PNKP: variants seen among roughly 807,000 people sequenced by gnomAD.
PNKP encodes polynucleotide kinase 3'-phosphatase, also known as bifunctional polynucleotide phosphatase/kinase.
In PNKP, 82 loss-of-function variants were observed where a neutral mutation model predicts 66.2. The observed-to-expected ratio is 1.24, with a 90% confidence interval of 1.04 to 1.49. The LOEUF (loss-of-function observed/expected upper bound fraction) is 1.49, where lower values mean the gene tolerates loss of function less well. Among genes scored for constraint, PNKP ranks in the 40% most tolerant of loss-of-function variants. The pLI is 0.00. For synonymous variants in PNKP, 412 were observed against 298.9 expected, an observed-to-expected ratio of 1.38 and a Z score of -3.90; for missense variants, 907 against 706.8, an observed-to-expected ratio of 1.28 and a Z score of -3.21.
intron 5 of PNKP, 33 bp downstream of exon 5, chr19:49,864,291 C>T (rs2074802268): frequency 6.2e-7 from 1 of 1,611,480 alleles, no homozygotes; most frequent in Non-Finnish European, 8.5e-7. Context: ...GGACTCCAGG[C>T]CTCACTCACT....
rs373766090 is a variant in PNKP at position 49,862,074 on chromosome 19, G to C, written c.1158C>G (p.Leu386=). The part of the protein sequence containing the change: ...AGKSTFLKKH[L]VSAGYVHVNR... ...TCACGTGGACATATCCGGCCGACAC[G>C]AGGTGCTTCTTGAGAAAGGTGGACT... The change falls in exon 13 of 17, where the codon CTC becomes CTG. Residue 386 remains leucine (L), a synonymous_variant. Coordinates refer to ENST00000322344, the MANE Select transcript of PNKP (RefSeq NM_007254.4). The C allele has an allele frequency of 1.2e-5, 19 of 1,614,166 alleles. No individual in the cohort carries two copies. The highest frequency in any genetic ancestry group is 1.7e-6 in the Non-Finnish European group (2 of 1,180,010).
At chr19:49,865,504 AATC>A (rs767706996) in intron 3 of PNKP, 78 bp from the exon 4 acceptor site, 1 of 1,063,002 alleles carries the variant, frequency 9.4e-7, no homozygotes, top group Non-Finnish European at 1.4e-6. Flanking sequence ...CCAGCGGAAA[AATC>A]AGCCCTTCTC....
At position 49,861,785 on chromosome 19, in the gene PNKP, C is replaced by CGGCGTCTGGGTTT; in HGVS notation, c.1272_1284dup (p.Ala429LysfsTer69). Reference sequence around the variant, plus strand: ...CGGTCACGCTACCTGGCGCGGCTCGCGGCGTCTGGGTTTGTGTTGTCGATG... The same window carrying CGGCGTCTGGGTTT: ...CGGTCACGCTACCTGGCGCGGCTCGCGGCGTCTGGGTTTGGCGTCTGGGTTTGTGTTGTCGATG... On this transcript the variant is annotated frameshift_variant, in exon 14 of 17. Transcript: ENST00000322344. LOFTEE classifies it high-confidence loss of function. The CGGCGTCTGGGTTT allele has an allele frequency of 1.9e-6, 3 of 1,566,094 alleles. No homozygotes were observed. The highest frequency in any genetic ancestry group is 2.6e-6 in the Non-Finnish European group (3 of 1,158,520).
In PNKP at chr19:49,861,793, G is replaced by T. The variant is rs758986802; in HGVS notation, c.1277C>A (p.Pro426Gln). ...CTACCTGGCGCGGCTCGCGGCGTCT[G>T]GGTTTGTGTTGTCGATGGCGACCCG... ...GKRVAIDNTN[P>Q]DAASRARYVQ... Residue 426 changes from proline to glutamine, a missense_variant, in exon 14 of 17, where the codon CCA becomes CAA. Transcript: ENST00000322344. 1 of 1,571,660 alleles carries T rather than the reference G, an allele frequency of 6.4e-7. No homozygotes were observed. The highest frequency in any genetic ancestry group is 1.2e-5 in the South Asian group (1 of 86,270).
chr19:49,862,036 G>A lies in PNKP; in HGVS notation c.1188+8C>T. ...AATAGATTTGGGGCGGCAAAAGCCT[G>A]GTCATACCCTGTTCACGTGGACATA... is the stretch of plus-strand genomic sequence containing the variant. On this transcript the variant is annotated splice_region_variant and intron_variant, in intron 13 of 16. Transcript: ENST00000322344. 1 of 1,613,454 alleles carries A rather than the reference G, an allele frequency of 6.2e-7. No individual in the cohort carries two copies. The highest frequency in any genetic ancestry group is 1.3e-5 in the African/African-American group (1 of 75,042).
At chr19:49,861,951 G>C in intron 13 of PNKP, 70 bp from the exon 14 acceptor site, 1 of 1,586,504 alleles carries the variant, frequency 6.3e-7, no homozygotes, top group Non-Finnish European at 8.6e-7. Context: ...CGGGGACGGG[G>C]AGGCAATGAT....
Position 49,861,870 on chromosome 19 carries a change from G to A in PNKP, c.1200C>T (p.Gly400=), listed in dbSNP as rs1188834887. ...ACGTGGTCACACAGCGCTGCCAGGA[G>A]CCTAGCGTGTCCTGGGGACACGAGA... ...GYVHVNRDTL[G]SWQRCVTTCE... is the part of the protein sequence containing the mutation. Residue 400 remains glycine, a synonymous_variant, in exon 14 of 17, where the codon GGC becomes GGT. Coordinates refer to ENST00000322344, the MANE Select transcript of PNKP (RefSeq NM_007254.4). 1 of 1,590,262 alleles carries A rather than the reference G, an allele frequency of 6.3e-7. No individual in the cohort carries two copies. Among genetic ancestry groups the A allele is most frequent in the African/African-American group, 1.3e-5 (1 of 74,146 alleles).
At chr19:49,865,067 C>T (rs2074807838) in intron 4 of PNKP, 60 bp downstream of exon 4, 4 of 1,483,136 alleles carry the variant, frequency 2.7e-6, no homozygotes, top group Non-Finnish European at 3.8e-6. Context: ...GAGCACGCAA[C>T]AAACGTGGGA....
rs753695701 is a variant in PNKP, at chr19:49,862,590, G to A, written c.884C>T (p.Ala295Val). The A allele has an allele frequency of 1.9e-6, 3 of 1,613,520 alleles. No homozygotes were observed. Among genetic ancestry groups the A allele is most frequent in the Non-Finnish European group, 2.5e-6 (3 of 1,179,718 alleles). ...IFVGDAAGRPANWAPGRKKKD... is the reference protein window; with the variant it reads ...IFVGDAAGRPVNWAPGRKKKD... Reference sequence around the variant, plus strand: ...CTTCTTCCGCCCCGGGGCCCAGTTGGCCGGGCGTCCGGCTGCGTCTGGAAC... The same window carrying A: ...CTTCTTCCGCCCCGGGGCCCAGTTGACCGGGCGTCCGGCTGCGTCTGGAAC... The change falls in exon 10 of 17, where the codon GCC becomes GTC. Residue 295 changes from alanine (A) to valine (V), a missense_variant. Transcript: ENST00000322344.
chr19:49,865,588 G>C (rs2122340117), intron 3 of PNKP, 162 bp from the exon 4 acceptor site: 1 of 531,764 alleles, frequency 1.9e-6, no homozygotes, highest in Non-Finnish European at 3.3e-6. Flanking sequence ...CAGGTTTTCA[G>C]CCTTGTCCGA....
At chr19:49,861,719 G>A in intron 14 of PNKP, 24 bp from the exon 15 acceptor site, 2 of 1,548,638 alleles carry the variant, frequency 1.3e-6, no homozygotes, top group Non-Finnish European at 8.7e-7. Flanking sequence ...AGCTGGATGT[G>A]CAGGCCCCGC....
intron 3 of PNKP, 195 bp downstream of exon 3, chr19:49,866,204 C>T (rs2074818604): frequency 1.6e-6 from 1 of 645,018 alleles, no homozygotes; most frequent in Non-Finnish European, 2.8e-6. Context: ...TTCACCATGT[C>T]GCTCAGGCTG....
rs1161659138 is a variant in PNKP at position 49,865,353 on chromosome 19, T to C, written c.272A>G (p.Asp91Gly). 1.2e-6 allele frequency: 2 copies of C among 1,613,344 alleles called. No homozygotes were observed. Among genetic ancestry groups the C allele is most frequent in the African/African-American group, 1.3e-5 (1 of 74,826 alleles). The change falls in exon 4 of 17, where the codon GAC becomes GGC. Residue 91 changes from aspartate to glycine, a missense_variant. Transcript: ENST00000322344. The part of the protein sequence containing the change: ...PGLEGSLGVG[D>G]TLYLVNGLHP... ...GAGGCCATTGACCAAATACAGTGTG[T>C]CCCCCACCCCCAGAGAGCCCTCCAA...
chr19:49,861,714 G>GA lies in PNKP; in HGVS notation c.1299-20dup. 1 of 1,548,798 alleles carries GA rather than the reference G, an allele frequency of 6.5e-7. No homozygotes were observed. Among genetic ancestry groups the GA allele is most frequent in the Non-Finnish European group, 8.7e-7 (1 of 1,146,570 alleles). On this transcript the variant is annotated intron_variant, in intron 14 of 16. Coordinates refer to ENST00000322344, the MANE Select transcript of PNKP (RefSeq NM_007254.4). ...GACGTACCTGTGGGGGAAGGAGCTGGATGTGCAGGCCCCGCCCACCCCGCC... is the reference window on the plus strand; with the variant it reads ...GACGTACCTGTGGGGGAAGGAGCTGGAATGTGCAGGCCCCGCCCACCCCGCC...
intron 8 of PNKP, among the ~76,000 whole-genome samples, chr19:49,863,004 C>A (rs1324669363): frequency 1.3e-5 from 2 of 152,154 alleles, no homozygotes; most frequent in Admixed American, 1.3e-4. Context: ...CACCCTGCTA[C>A]AGCTCCAGCC....
rs2074799733 is a variant in PNKP at position 49,864,014 on chromosome 19, ACTC to A, written c.691_693del (p.Glu231del). ...ACCACAGCCTCCACCTTGGCCTTGA[ACTC>A]CTCGGCTGGCAGCTTCCCGCGCCCG... On this transcript the variant is annotated inframe_deletion, in exon 7 of 17. Coordinates refer to ENST00000322344, the MANE Select transcript of PNKP (RefSeq NM_007254.4). The A allele has an allele frequency of 6.2e-7, 1 of 1,613,018 alleles. No individual in the cohort carries two copies. Among genetic ancestry groups the A allele is most frequent in the Non-Finnish European group, 8.5e-7 (1 of 1,179,738 alleles).
rs759693088 is a variant in PNKP at position 49,861,559 on chromosome 19, G to C, written c.1386+49C>G. 12 of 1,563,528 alleles carry C rather than the reference G, an allele frequency of 7.7e-6. No individual in the cohort carries two copies. In the East Asian group the frequency reaches 1.2e-4, roughly 16 times the overall value. ...GCAGGCCCAGGGGTCAGGGGAGGAG[G>C]GGGGTCAGGGGGTGCAGCCCGGGGG... On this transcript the variant is annotated intron_variant, in intron 15 of 16. Coordinates refer to ENST00000322344, the MANE Select transcript of PNKP (RefSeq NM_007254.4).
Position 49,867,197 on chromosome 19 carries a change from T to C in PNKP, c.8A>G (p.Glu3Gly). Reference sequence around the variant, plus strand: ...CCACAAGCGGCCCGGGGCCTCCACCTCGCCCATCCTGGGTGCCGGCCTGGG... The same window carrying C: ...CCACAAGCGGCCCGGGGCCTCCACCCCGCCCATCCTGGGTGCCGGCCTGGG... MG[E>G]VEAPGRLWLE... Residue 3 changes from glutamate (E) to glycine (G), a missense_variant, in exon 2 of 17, where the codon GAG (glutamate) becomes GGG (glycine). Physicochemically the swap from Glu to Gly is moderately conservative, Grantham distance 98 (BLOSUM62 -2). Transcript: ENST00000322344. 1.2e-6 allele frequency: 2 copies of C among 1,610,766 alleles called. No individual in the cohort carries two copies. Among genetic ancestry groups the C allele is most frequent in the Non-Finnish European group, 8.5e-7 (1 of 1,178,798 alleles).
In PNKP at chr19:49,864,224, T is replaced by G; in HGVS notation, c.591A>C (p.Pro197=). 6.2e-7 allele frequency: 1 copy of G among 1,614,018 alleles called. No individual in the cohort carries two copies. Among genetic ancestry groups the G allele is most frequent in the South Asian group, 1.1e-5 (1 of 91,076 alleles). ...TGPSDWRILY[P]EIPRKLRELE... ...GCTCTCGGAGCTTACGGGGAATCTCTGGGTACAAGATCCTACGGCAGGTAT... is the reference window on the plus strand; with the variant it reads ...GCTCTCGGAGCTTACGGGGAATCTCGGGGTACAAGATCCTACGGCAGGTAT... The change falls in exon 6 of 17, where the codon CCA becomes CCC. Residue 197 remains proline, a synonymous_variant. Coordinates refer to ENST00000322344, the MANE Select transcript of PNKP (RefSeq NM_007254.4).
Sources: gnomAD v4.1 joint callset for allele counts (sites outside exome capture counted in the v4.1 genomes callset) on GRCh38, gnomAD v4.1.1 for gene constraint, MANE v1.5 for transcripts, NCBI Gene and HGNC (gene_info 2026-07-23, HGNC 2026-07-21) for gene names.